The following SORCS3 variants were observed in gnomAD, a reference collection of about 807,000 sequenced individuals.
The protein encoded by SORCS3 is sortilin related VPS10 domain containing receptor 3, also known as VPS10 domain-containing receptor SorCS3.
SORCS3 carries 57 observed loss-of-function variants against 146.3 expected under a neutral mutation model. The ratio of observed to expected loss-of-function variants is 0.39; its 90% CI spans 0.31 to 0.49. SORCS3 has a LOEUF of 0.49. Ranked by LOEUF, SORCS3 falls within the 20% of genes least tolerant of loss-of-function variation. The probability of loss-of-function intolerance (pLI) is 0.92; values close to 1 mark genes in which losing one functional copy is unlikely to be tolerated. For synonymous variants in SORCS3, 653 were observed against 618.5 expected (o/e 1.06, Z -0.83); for missense variants, 1,341 against 1,575.5 (o/e 0.85, Z 2.52).
chr10:104,956,821 C>A (rs1402482093), intron 3 of SORCS3, among the ~76,000 whole-genome samples: 1 of 152,162 alleles, frequency 6.6e-6, no homozygotes, highest in Non-Finnish European at 1.5e-5. Context: ...TGATTCTAAA[C>A]CCAAAGGTGA....
rs369447672 is a variant in SORCS3, at chr10:104,815,727, A to G, written c.628-27065A>G. ...ATACATAAAACAAAAACAGTTTTTC[A>G]TGATGCATTTAACTTTATAAGATAT... is the stretch of plus-strand genomic sequence containing the variant. On this transcript the variant is annotated intron_variant, in intron 1 of 26. Transcript: ENST00000369701. Among the ~76,000 whole-genome samples the G allele has an allele frequency of 3.9e-4, 60 of 152,300 alleles. No individual in the cohort carries two copies. The East Asian group carries it at 0.01, about 26-fold the overall frequency.
At chr10:104,844,904 G>A (rs185179874) in intron 2 of SORCS3, among the ~76,000 whole-genome samples, 1 of 152,258 alleles carries the variant, frequency 6.6e-6, no homozygotes, top group East Asian at 1.9e-4. Flanking sequence ...ATAGATTCTG[G>A]GAGTTAGGAT....
intron 14 of SORCS3, among the ~76,000 whole-genome samples, chr10:105,178,427 C>A (rs2056421815): frequency 6.6e-6 from 1 of 152,122 alleles, no homozygotes; most frequent in African/African-American, 2.4e-5. Flanking sequence ...ATAGCAAATT[C>A]CCATTTATTT....
chr10:105,134,005 C>T (rs55652938), intron 7 of SORCS3, among the ~76,000 whole-genome samples: 2,093 of 152,082 alleles, frequency 0.014, 49 homozygotes, highest in African/African-American at 0.047. Context: ...ACAGATTTTC[C>T]GGGAATGCAA....
intron 2 of SORCS3, among the ~76,000 whole-genome samples, chr10:104,851,342 G>A (rs569903613): frequency 4.5e-4 from 69 of 152,302 alleles, no homozygotes; most frequent in African/African-American, 1.5e-3. Context: ...TCTGTGGATT[G>A]TTATTTTATG....
rs572665299 is a variant in SORCS3, at chr10:104,726,140, T to C, written c.627+84186T>C. On this transcript the variant is annotated intron_variant, in intron 1 of 26. Coordinates refer to ENST00000369701, the MANE Select transcript of SORCS3 (RefSeq NM_014978.3). ...ATCCACCCCAGTCTGCTCATAGGTC[T>C]TTAAAGTAAACAAGTCTGTCATCAG... 3.9e-5 allele frequency among the ~76,000 whole-genome samples: 6 copies of C among 152,346 alleles called. No homozygotes were observed. In the South Asian group the frequency reaches 1.2e-3, roughly 32 times the overall value.
At chr10:105,098,512 G>A (rs948476394) in intron 6 of SORCS3, among the ~76,000 whole-genome samples, 8 of 152,096 alleles carry the variant, frequency 5.3e-5, no homozygotes, top group African/African-American at 1.2e-4. Context: ...TTTAAAATAC[G>A]TAAAGGTTAG....
At chr10:105,137,076 A>G (rs1038302122) in intron 7 of SORCS3, among the ~76,000 whole-genome samples, 10 of 151,958 alleles carry the variant, frequency 6.6e-5, no homozygotes, top group South Asian at 4.2e-4. Context: ...GGAAACCCCA[A>G]TGCTCCCAGC....
intron 2 of SORCS3, among the ~76,000 whole-genome samples, chr10:104,908,641 T>TA (rs925478204): frequency 1.5e-4 from 23 of 150,830 alleles, no homozygotes; most frequent in South Asian, 4.2e-4. Flanking sequence ...TTTCAGAAAT[T>TA]AAAAAAAAAA....
chr10:104,929,283 C>T (rs1406800708), intron 3 of SORCS3, among the ~76,000 whole-genome samples: 1 of 152,146 alleles, frequency 6.6e-6, no homozygotes, highest in Admixed American at 6.5e-5. Flanking sequence ...GTATGACTGG[C>T]TTTTCACCAG....
intron 1 of SORCS3, among the ~76,000 whole-genome samples, chr10:104,663,754 A>T (rs1451281828): frequency 6.6e-6 from 1 of 152,184 alleles, no homozygotes; most frequent in Non-Finnish European, 1.5e-5. Context: ...ACTAGGACAG[A>T]CTTTGAACAC....
chr10:104,856,377 G>A (rs929176227), intron 2 of SORCS3, among the ~76,000 whole-genome samples: 21 of 149,700 alleles, frequency 1.4e-4, no homozygotes, highest in African/African-American at 5.1e-4. Flanking sequence ...AAGGAAGAGA[G>A]AAAGCTATAG....
intron 1 of SORCS3, among the ~76,000 whole-genome samples, chr10:104,686,440 C>G (rs781261747): frequency 6.6e-6 from 1 of 152,094 alleles, no homozygotes; most frequent in Non-Finnish European, 1.5e-5. Flanking sequence ...CTGCACCAGC[C>G]TCCTGGATAA....
intron 5 of SORCS3, among the ~76,000 whole-genome samples, chr10:105,083,657 A>G (rs2055640196): frequency 6.6e-6 from 1 of 152,058 alleles, no homozygotes; most frequent in Non-Finnish European, 1.5e-5. Flanking sequence ...TTCTTTGCAA[A>G]AATCTTCAGT....
intron 1 of SORCS3, among the ~76,000 whole-genome samples, chr10:104,811,447 G>T (rs186125685): frequency 3.3e-5 from 5 of 152,340 alleles, no homozygotes; most frequent in East Asian, 1.9e-4. Flanking sequence ...TGCCTGGTGA[G>T]GCAGAGCTTT....
intron 6 of SORCS3, among the ~76,000 whole-genome samples, chr10:105,104,354 C>G (rs1284818519): frequency 6.6e-6 from 1 of 152,054 alleles, no homozygotes; most frequent in African/African-American, 2.4e-5. Context: ...AGAGACTCAC[C>G]TGTAGTTTTT....
At chr10:104,866,210 G>T (rs2018457417) in intron 2 of SORCS3, among the ~76,000 whole-genome samples, 1 of 152,184 alleles carries the variant, frequency 6.6e-6, no homozygotes, top group South Asian at 2.1e-4. Context: ...CAAAGATTAA[G>T]GCACGGGAGA....
intron 4 of SORCS3, among the ~76,000 whole-genome samples, chr10:104,988,279 C>G (rs2054973883): frequency 6.6e-6 from 1 of 152,116 alleles, no homozygotes; most frequent in Non-Finnish European, 1.5e-5. Flanking sequence ...GCCACTTTTA[C>G]GCTGAACCCC....
chr10:105,009,123 A>G (rs1399551242), intron 4 of SORCS3, among the ~76,000 whole-genome samples: 10 of 152,164 alleles, frequency 6.6e-5, no homozygotes, highest in Admixed American at 6.5e-4. Flanking sequence ...TTTTTATATC[A>G]TAATAACCTG....
Sources: allele counts gnomAD v4.1 joint callset (sites outside exome capture counted in the v4.1 genomes callset), GRCh38; gene constraint gnomAD v4.1.1; transcripts MANE v1.5; gene names NCBI Gene and HGNC (gene_info 2026-07-23, HGNC 2026-07-21).